Variants in JMJD1C observed in about 807,000 individuals in gnomAD.
The protein encoded by JMJD1C is jumonji domain containing 1C.
In JMJD1C, 31 loss-of-function variants were observed where a neutral mutation model predicts 245.3. The ratio of observed to expected loss-of-function variants is 0.13; its 90% confidence interval spans 0.09 to 0.17. The LOEUF (loss-of-function observed/expected upper bound fraction) is 0.17. Among genes scored for constraint, JMJD1C ranks in the 10% least tolerant of loss-of-function variants. The pLI, the probability that JMJD1C is intolerant of heterozygous loss-of-function variation, is 1.00. For missense variants in JMJD1C, 2,691 were observed against 3,000.2 expected, an observed-to-expected ratio of 0.90 and a Z score of 2.41; for synonymous variants, 1,057 against 1,017.4, an observed-to-expected ratio of 1.04 and a Z score of -0.74.
intron 2 of JMJD1C, 191 bp downstream of exon 2, chr10:63,380,127 A>G: frequency 2.5e-6 from 1 of 404,550 alleles, no homozygotes; most frequent in Non-Finnish European, 4.3e-6. Flanking sequence ...TTTTTTTGGT[A>G]GAGATGGGGT....
chr10:63,203,277 G>A (rs1164622641), intron 10 of JMJD1C: 2 of 974,912 alleles, frequency 2.1e-6, no homozygotes, highest in Admixed American at 6.2e-5. Context: ...TAATTTACTG[G>A]CAATATATAA....
chr10:63,296,425 T>C (rs1388143216), intron 2 of JMJD1C, among the ~76,000 whole-genome samples: 3 of 152,192 alleles, frequency 2.0e-5, no homozygotes, highest in African/African-American at 7.2e-5. Flanking sequence ...ACAGCCTTCT[T>C]GCCCTTAAAA....
chr10:63,330,884 C>T (rs1942069510), intron 2 of JMJD1C, among the ~76,000 whole-genome samples: 1 of 152,124 alleles, frequency 6.6e-6, no homozygotes, highest in Non-Finnish European at 1.5e-5. Context: ...CTTATTTTTC[C>T]TTTCTAAAAT....
At chr10:63,367,031 AAAAG>A (rs1288143510) in intron 2 of JMJD1C, among the ~76,000 whole-genome samples, 2 of 152,184 alleles carry the variant, frequency 1.3e-5, no homozygotes, top group Admixed American at 6.5e-5. Context: ...ACAATGGAGA[AAAAG>A]AAAGAGGAGA....
At chr10:63,267,655 C>G (rs1017041476) in intron 2 of JMJD1C, among the ~76,000 whole-genome samples, 1 of 152,080 alleles carries the variant, frequency 6.6e-6, no homozygotes, top group Admixed American at 6.6e-5. Flanking sequence ...CATTCAAATG[C>G]TCTAAAAAGC....
intron 2 of JMJD1C, among the ~76,000 whole-genome samples, chr10:63,379,839 T>C (rs531561211): frequency 1.9e-4 from 29 of 152,308 alleles, no homozygotes; most frequent in African/African-American, 5.5e-4. Context: ...TGTTTTAAAA[T>C]CTCTGCCAGA....
intron 10 of JMJD1C, chr10:63,202,840 C>G (rs1846179029): frequency 1.0e-6 from 1 of 981,096 alleles, no homozygotes; most frequent in Admixed American, 6.2e-5. Flanking sequence ...TGTTATACTG[C>G]TGATAAATTT....
chr10:63,275,774 T>A (rs966959532), intron 2 of JMJD1C, among the ~76,000 whole-genome samples: 1 of 152,216 alleles, frequency 6.6e-6, no homozygotes, highest in Non-Finnish European at 1.5e-5. Flanking sequence ...CATATTCTTA[T>A]CCTTAGTGAA....
chr10:63,492,267 G>C (rs919587461), intron 1 of JMJD1C, among the ~76,000 whole-genome samples: 10 of 152,076 alleles, frequency 6.6e-5, no homozygotes, highest in African/African-American at 2.4e-4. Context: ...TTCTTTCAAA[G>C]TCAAGCGGAA....
intron 1 of JMJD1C, among the ~76,000 whole-genome samples, chr10:63,397,865 A>G (rs1006347056): frequency 6.6e-6 from 1 of 152,206 alleles, no homozygotes; most frequent in East Asian, 1.9e-4. Context: ...TCATCACCAT[A>G]AGAGAGTGAA....
intron 2 of JMJD1C, among the ~76,000 whole-genome samples, chr10:63,294,685 T>G (rs1488501153): frequency 6.6e-6 from 1 of 152,334 alleles, no homozygotes; most frequent in Non-Finnish European, 1.5e-5. Context: ...TACCCACTGC[T>G]ATCTGTTTGG....
chr10:63,387,803 T>C (rs1947746381), intron 1 of JMJD1C, among the ~76,000 whole-genome samples: 1 of 151,290 alleles, frequency 6.6e-6, no homozygotes, highest in Non-Finnish European at 1.5e-5. Context: ...GCCCGGCTAA[T>C]TTTTTGTATT....
chr10:63,463,914 T>C (rs892409626), intron 1 of JMJD1C, among the ~76,000 whole-genome samples: 7 of 152,190 alleles, frequency 4.6e-5, no homozygotes, highest in African/African-American at 1.7e-4. Flanking sequence ...TACTAACATA[T>C]GCAAACTTAA....
At chr10:63,282,285 C>T (rs1012648106) in intron 2 of JMJD1C, among the ~76,000 whole-genome samples, 6 of 152,086 alleles carry the variant, frequency 3.9e-5, no homozygotes, top group African/African-American at 1.4e-4. Context: ...GTATATGATA[C>T]GATGCAGTAT....
At chr10:63,459,067 C>A (rs1952610150) in intron 1 of JMJD1C, among the ~76,000 whole-genome samples, 1 of 152,134 alleles carries the variant, frequency 6.6e-6, no homozygotes, top group Non-Finnish European at 1.5e-5. Context: ...TAGTACAAGT[C>A]CTTACGTTAT....
At chr10:63,345,365 T>A (rs1452012020) in intron 2 of JMJD1C, among the ~76,000 whole-genome samples, 5 of 151,738 alleles carry the variant, frequency 3.3e-5, no homozygotes, top group African/African-American at 1.2e-4. Flanking sequence ...CAGGCACCTG[T>A]AATCCCAGCT....
chr10:63,286,627 T>A (rs1027248835), intron 2 of JMJD1C, among the ~76,000 whole-genome samples: 1 of 152,200 alleles, frequency 6.6e-6, no homozygotes, highest in African/African-American at 2.4e-5. Flanking sequence ...TTGAACCACA[T>A]AGAGGCCCTT....
intron 2 of JMJD1C, among the ~76,000 whole-genome samples, chr10:63,306,900 T>C (rs9414791): frequency 0.015 from 2,243 of 152,308 alleles, 48 homozygotes; most frequent in African/African-American, 0.051. Flanking sequence ...GTCTGGTCAA[T>C]CATATCCCTC....
intron 1 of JMJD1C, among the ~76,000 whole-genome samples, chr10:63,486,195 T>C (rs1056697146): frequency 1.4e-5 from 2 of 139,070 alleles, no homozygotes; most frequent in African/African-American, 5.8e-5. Flanking sequence ...TGAGAGAGCA[T>C]GCCACATGTG....
Sources: allele counts gnomAD v4.1 joint callset (sites outside exome capture counted in the v4.1 genomes callset), GRCh38; gene constraint gnomAD v4.1.1; transcripts MANE v1.5; gene names NCBI Gene and HGNC (gene_info 2026-07-23, HGNC 2026-07-21).